The following FAM53B variants were observed in gnomAD, a reference collection of about 807,000 sequenced individuals.
The protein encoded by FAM53B is protein FAM53B.
Under a neutral mutation model 32.7 loss-of-function variants are expected in FAM53B, and 12 were observed. That is an observed-to-expected ratio of 0.37 (90% confidence interval 0.24 to 0.59). The LOEUF (loss-of-function observed/expected upper bound fraction) is 0.59, where lower values mean the gene tolerates loss of function less well. FAM53B is among the 20% of genes least tolerant of loss of function. FAM53B has a pLI of 0.72. For synonymous variants in FAM53B, 234 were observed against 228.7 expected (o/e 1.02, Z -0.21); for missense variants, 477 against 577.7 (o/e 0.83, Z 1.79).
chr10:124,714,805 C>A (rs1564886214), intron 1 of FAM53B, among the ~76,000 whole-genome samples: 1 of 150,798 alleles, frequency 6.6e-6, no homozygotes, highest in Non-Finnish European at 1.5e-5. Flanking sequence ...CAGTACTTTG[C>A]TAGTGCAGAA....
chr10:124,684,796 G>C (rs552525663), intron 3 of FAM53B, among the ~76,000 whole-genome samples: 2 of 152,296 alleles, frequency 1.3e-5, no homozygotes, highest in East Asian at 3.9e-4. Flanking sequence ...TGGGATTACA[G>C]GCATGAGCCA....
intron 4 of FAM53B, among the ~76,000 whole-genome samples, chr10:124,633,943 CA>C (rs961335654): frequency 1.3e-5 from 2 of 152,148 alleles, no homozygotes; most frequent in African/African-American, 4.8e-5. Flanking sequence ...ATTTACATGT[CA>C]AAAAATGCCA....
In FAM53B at chr10:124,623,223, T is replaced by C. The variant is rs1436830805; in HGVS notation, c.*19A>G. 2.6e-6 allele frequency: 4 copies of C among 1,567,170 alleles called. No individual in the cohort carries two copies. The African/African-American group carries it at 4.1e-5, about 16-fold the overall frequency. ...TGTCGATGCCAGCACACCCCAGCCC[T>C]GCCTGGGCCCACACCCCCTCAGTTC... On this transcript the variant is annotated 3_prime_UTR_variant, in exon 5 of 5. Transcript: ENST00000337318.
chr10:124,660,120 C>A (rs1305244553), intron 4 of FAM53B, among the ~76,000 whole-genome samples: 1 of 152,202 alleles, frequency 6.6e-6, no homozygotes, highest in Non-Finnish European at 1.5e-5. Flanking sequence ...AGCGAACTTT[C>A]TAGGGGTTTG....
rs1039324239 is a variant in FAM53B at position 124,733,804 on chromosome 10, C to T, written c.-175+10209G>A. Among the ~76,000 whole-genome samples the T allele has an allele frequency of 2.6e-5, 4 of 152,224 alleles. No homozygotes were observed. Among genetic ancestry groups the T allele is most frequent in the Non-Finnish European group, 4.4e-5 (3 of 68,034 alleles). ...AAGGCTGGGCCCCTGGGCAGTGTCA[C>T]CCCGAAGGTGGGCTTTCTCCCAGCC... On this transcript the variant is annotated intron_variant, in intron 1 of 4. Coordinates refer to ENST00000337318, the MANE Select transcript of FAM53B (RefSeq NM_014661.4). This position sits in a 1 kb window ranked among gnomAD's most constrained non-coding sequence, Gnocchi z 4.3.
chr10:124,722,072 A>T (rs1950071597), intron 1 of FAM53B, among the ~76,000 whole-genome samples: 1 of 152,230 alleles, frequency 6.6e-6, no homozygotes, highest in Non-Finnish European at 1.5e-5. Flanking sequence ...AGATTTGTTA[A>T]AGGATACAAA....
intron 4 of FAM53B, among the ~76,000 whole-genome samples, chr10:124,679,345 T>C (rs1191510586): frequency 6.6e-6 from 1 of 152,170 alleles, no homozygotes; most frequent in Non-Finnish European, 1.5e-5. Context: ...GGCAACACGT[T>C]AGTCCTTGTA....
intron 1 of FAM53B, chr10:124,742,488 T>C (rs1950205423): frequency 6.6e-6 from 1 of 152,114 alleles, no homozygotes; most frequent in Non-Finnish European, 1.5e-5. Flanking sequence ...TTTAAACGAG[T>C]CCAGGATCTG....
chr10:124,623,614 G>T lies in FAM53B; in HGVS notation c.907-10C>A. ...TGAAGGTCTGACAGTTCTGTGGAGGGGCAGACACACAGGTTACTAAGGGTT... is the reference window on the plus strand; with the variant it reads ...TGAAGGTCTGACAGTTCTGTGGAGGTGCAGACACACAGGTTACTAAGGGTT... On this transcript the variant is annotated splice_polypyrimidine_tract_variant and intron_variant, in intron 4 of 4. Coordinates refer to ENST00000337318, the MANE Select transcript of FAM53B (RefSeq NM_014661.4). 1 of 1,606,660 alleles carries T rather than the reference G, an allele frequency of 6.2e-7. No individual in the cohort carries two copies.
intron 4 of FAM53B, among the ~76,000 whole-genome samples, chr10:124,668,298 G>A (rs1221845351): frequency 2.0e-5 from 3 of 152,250 alleles, no homozygotes; most frequent in East Asian, 3.8e-4. Context: ...AGCTGTTTCT[G>A]AGCAGGACCA....
chr10:124,636,283 G>A (rs529674409), intron 4 of FAM53B, among the ~76,000 whole-genome samples: 2 of 152,038 alleles, frequency 1.3e-5, no homozygotes, highest in African/African-American at 4.8e-5. Context: ...GCAACAAAGC[G>A]TATGAATTTT....
In FAM53B at chr10:124,638,117, C is replaced by G. The variant is rs556415319; in HGVS notation, c.907-14513G>C. 7.4e-4 allele frequency among the ~76,000 whole-genome samples: 112 copies of G among 152,296 alleles called. 2 individuals are homozygous for G. In the South Asian group the frequency reaches 0.023, roughly 31 times the overall value. On this transcript the variant is annotated intron_variant, in intron 4 of 4. Transcript: ENST00000337318. ...TGGCGCCATGGCTCACACCTGTAAT[C>G]CCAGGACTTTGGGAAGCTGAGGCAG... is the stretch of plus-strand genomic sequence containing the variant.
At chr10:124,735,285 G>C (rs2134104262) in intron 1 of FAM53B, among the ~76,000 whole-genome samples, 1 of 152,322 alleles carries the variant, frequency 6.6e-6, no homozygotes, top group South Asian at 2.1e-4. Context: ...GGTGGCAGCA[G>C]AGCCAAGACG....
At chr10:124,705,284 A>G (rs945274826) in intron 2 of FAM53B, among the ~76,000 whole-genome samples, 1 of 150,900 alleles carries the variant, frequency 6.6e-6, no homozygotes, top group Non-Finnish European at 1.5e-5. Context: ...AGGCCCAGGA[A>G]GTGGGGCTAG....
Position 124,744,081 on chromosome 10 carries a change from G to A in FAM53B, c.-243C>T, listed in dbSNP as rs1446955266. 1.4e-5 allele frequency: 2 copies of A among 147,348 alleles called. No homozygotes were observed. Among genetic ancestry groups the A allele is most frequent in the East Asian group, 3.9e-4 (2 of 5,088 alleles). The allele number at this position is 147,348 out of a possible 1,614,324, so 9.1% of individuals were successfully genotyped here. A position where few individuals can be genotyped will look rare whatever the true frequency, so the allele number is the denominator to read the frequency against. ...CGCCAGCGCTCGCCAAGTCGTCCGG[G>A]GTGCCCGCCGCGCGTCCGCCGCGCG... On this transcript the variant is annotated 5_prime_UTR_variant, in exon 1 of 5. Transcript: ENST00000337318.
intron 4 of FAM53B, among the ~76,000 whole-genome samples, chr10:124,678,934 GA>G (rs1257650893): frequency 6.6e-6 from 1 of 152,206 alleles, no homozygotes; most frequent in Non-Finnish European, 1.5e-5. Flanking sequence ...ACCTCTAGGG[GA>G]GCTGCAGCTT....
At chr10:124,678,285 G>A (rs572006447) in intron 4 of FAM53B, among the ~76,000 whole-genome samples, 11 of 152,288 alleles carry the variant, frequency 7.2e-5, no homozygotes, top group Admixed American at 5.2e-4. Context: ...GCCAGCCAAT[G>A]CACTGGGGGG....
chr10:124,744,117 T>G lies in FAM53B; in HGVS notation c.-279A>C, dbSNP rs1258763934. The G allele has an allele frequency of 1.4e-5, 2 of 146,986 alleles. No individual in the cohort carries two copies. Among genetic ancestry groups the G allele is most frequent in the Admixed American group, 6.8e-5 (1 of 14,802 alleles). The allele number at this position is 146,986 out of a possible 1,614,324, so 9.1% of individuals were successfully genotyped here. A position where few individuals can be genotyped will look rare whatever the true frequency, so the allele number is the denominator to read the frequency against. On this transcript the variant is annotated 5_prime_UTR_variant, in exon 1 of 5. Transcript: ENST00000337318. ...CGCGTCCGCCGCGCGCACGCTCGCC[T>G]GCCGGCGCCGAGCGCTTTGTACGAG... is the stretch of plus-strand genomic sequence containing the variant.
chr10:124,720,176 A>C (rs535515675), intron 1 of FAM53B, among the ~76,000 whole-genome samples: 54 of 152,016 alleles, frequency 3.6e-4, no homozygotes, highest in East Asian at 1.7e-3. Flanking sequence ...AAAAAAAAAA[A>C]AAACAAACAA....
Sources: allele counts gnomAD v4.1 joint callset (sites outside exome capture counted in the v4.1 genomes callset), GRCh38; gene constraint gnomAD v4.1.1; non-coding constraint Gnocchi (gnomAD v3.1); transcripts MANE v1.5; gene names NCBI Gene and HGNC (gene_info 2026-07-23, HGNC 2026-07-21).